Variants in SUGCT observed in about 807,000 individuals in gnomAD.
SUGCT encodes the protein succinyl-CoA:glutarate-CoA transferase.
SUGCT carries 41 observed loss-of-function variants against 55.0 expected under a neutral mutation model. The observed-to-expected ratio is 0.74, with a 90% CI of 0.58 to 0.97. The LOEUF (loss-of-function observed/expected upper bound fraction) is 0.97. Ranked by LOEUF, SUGCT falls within the 50% of genes least tolerant of loss-of-function variation. The pLI, the probability that SUGCT is intolerant of heterozygous loss-of-function variation, is 0.00. For missense variants in SUGCT, 568 were observed against 547.8 expected (o/e 1.04, Z -0.37); for synonymous variants, 187 against 200.4 (o/e 0.93, Z 0.56).
intron 1 of SUGCT, among the ~76,000 whole-genome samples, chr7:40,138,471 CTT>C (rs1179811509): frequency 2.0e-5 from 3 of 152,094 alleles, no homozygotes; most frequent in Non-Finnish European, 4.4e-5. Flanking sequence ...GTGCAGGTGT[CTT>C]TTTGATGTAA....
chr7:40,143,781 G>A (rs1379087630), intron 1 of SUGCT, among the ~76,000 whole-genome samples: 1 of 152,114 alleles, frequency 6.6e-6, no homozygotes, highest in East Asian at 1.9e-4. Context: ...GGCACTGGGG[G>A]ATCAAATAAA....
the SUGCT span, among the ~76,000 whole-genome samples, chr7:40,898,749 G>A: frequency 1.3e-5 from 2 of 152,016 alleles, no homozygotes; most frequent in Non-Finnish European, 2.9e-5. Context: ...CATTCTGGAA[G>A]TCAGCGAGAC....
At position 40,424,734 on chromosome 7, in the gene SUGCT, G is replaced by C. The variant is rs148623184; in HGVS notation, c.817-24553G>C. ...GTTTTGGAGGCAAAATGGCAGAGCA[G>C]AGTTTGACAGACTTAGGTTCTCATC... On this transcript the variant is annotated intron_variant, in intron 9 of 13. Transcript: ENST00000335693. 1.1e-3 allele frequency among the ~76,000 whole-genome samples: 160 copies of C among 152,294 alleles called. No homozygotes were observed. The East Asian group carries it at 0.013, about 12-fold the overall frequency.
At chr7:40,194,216 A>G (rs1464502552) in intron 5 of SUGCT, among the ~76,000 whole-genome samples, 1 of 152,180 alleles carries the variant, frequency 6.6e-6, no homozygotes, top group African/African-American at 2.4e-5. Flanking sequence ...GCATGTTATA[A>G]TGAGGAATAT....
intron 12 of SUGCT, among the ~76,000 whole-genome samples, chr7:40,658,781 C>T (rs556943402): frequency 6.6e-6 from 1 of 152,338 alleles, no homozygotes; most frequent in African/African-American, 2.4e-5. Flanking sequence ...AAATCCCACA[C>T]CCCTCACAGG....
intron 5 of SUGCT, among the ~76,000 whole-genome samples, chr7:40,193,137 T>C (rs1786020716): frequency 6.6e-6 from 1 of 151,766 alleles, no homozygotes; most frequent in Non-Finnish European, 1.5e-5. Flanking sequence ...TGGCTAATTT[T>C]TAAATTTTTT....
chr7:40,520,231 C>G (rs1039403265), intron 12 of SUGCT, among the ~76,000 whole-genome samples: 1 of 152,048 alleles, frequency 6.6e-6, no homozygotes, highest in Admixed American at 6.6e-5. Context: ...CCTTACAATA[C>G]TAGAATTTTG....
At chr7:40,749,323 GT>G (rs1787890115) in intron 12 of SUGCT, 110 bp from the exon 13 acceptor site, 1 of 840,750 alleles carries the variant, frequency 1.2e-6, no homozygotes, top group African/African-American at 1.7e-5. Flanking sequence ...ACACTTCTGT[GT>G]TTTGCCATAT....
chr7:40,494,115 C>T (rs1161033075), intron 11 of SUGCT, among the ~76,000 whole-genome samples: 7 of 152,154 alleles, frequency 4.6e-5, no homozygotes, highest in African/African-American at 1.7e-4. Flanking sequence ...TCAACTATTC[C>T]CCTGAGTTTT....
chr7:40,842,584 T>G (rs1793331114), intron 13 of SUGCT, among the ~76,000 whole-genome samples: 1 of 152,188 alleles, frequency 6.6e-6, no homozygotes, highest in African/African-American at 2.4e-5. Context: ...CCTCTTCATT[T>G]ATTTGTTCAT....
At chr7:40,953,989 G>T in the SUGCT span, among the ~76,000 whole-genome samples, 17 of 152,306 alleles carry the variant, frequency 1.1e-4, no homozygotes, top group East Asian at 2.7e-3. Context: ...TGTCAGACAG[G>T]GACATTTAAG....
the SUGCT span, among the ~76,000 whole-genome samples, chr7:40,915,109 G>T: frequency 2.0e-5 from 3 of 152,150 alleles, no homozygotes; most frequent in Non-Finnish European, 4.4e-5. Flanking sequence ...AGCATATCTT[G>T]TTCCCTACGT....
At chr7:40,358,437 G>A (rs1797981573) in intron 9 of SUGCT, among the ~76,000 whole-genome samples, 1 of 152,160 alleles carries the variant, frequency 6.6e-6, no homozygotes, top group Non-Finnish European at 1.5e-5. Flanking sequence ...AGAGGGCCGG[G>A]CGCAGTGGCT....
chr7:40,277,704 A>ATTATTATTAT (rs1562639268), intron 8 of SUGCT, among the ~76,000 whole-genome samples: 1 of 148,236 alleles, frequency 6.7e-6, no homozygotes, highest in Admixed American at 6.7e-5. Context: ...TATTATTATT[A>ATTATTATTAT]TACTTTAAGT....
chr7:40,253,905 A>G (rs781110860), intron 7 of SUGCT, among the ~76,000 whole-genome samples: 1 of 152,226 alleles, frequency 6.6e-6, no homozygotes, highest in Non-Finnish European at 1.5e-5. Context: ...ATGTTTTTCT[A>G]CCTTTACACA....
At chr7:40,983,750 G>T in the SUGCT span, among the ~76,000 whole-genome samples, 27 of 152,146 alleles carry the variant, frequency 1.8e-4, 1 homozygote, top group Admixed American at 1.8e-3. Context: ...ATTAAGCCAT[G>T]GTTTTAATTG....
intron 5 of SUGCT, among the ~76,000 whole-genome samples, chr7:40,191,292 C>T (rs1288411951): frequency 2.0e-5 from 3 of 152,198 alleles, no homozygotes; most frequent in Admixed American, 2.0e-4. Context: ...GCTGGGATTA[C>T]AGGCGTGAGC....
chr7:40,857,094 A>T (rs1459227932), intron 13 of SUGCT, among the ~76,000 whole-genome samples: 2 of 152,198 alleles, frequency 1.3e-5, no homozygotes, highest in Non-Finnish European at 2.9e-5. Flanking sequence ...GTACGTATTT[A>T]AAAACAGATG....
intron 9 of SUGCT, among the ~76,000 whole-genome samples, chr7:40,336,374 G>A (rs916772782): frequency 5.9e-5 from 9 of 152,158 alleles, no homozygotes; most frequent in Non-Finnish European, 1.0e-4. Context: ...AATCCATCTA[G>A]TCCTGGACAT....
Sources: allele counts gnomAD v4.1 joint callset (sites outside exome capture counted in the v4.1 genomes callset), GRCh38; gene constraint gnomAD v4.1.1; transcripts MANE v1.5; gene names NCBI Gene and HGNC (gene_info 2026-07-23, HGNC 2026-07-21).